TUBB: variants seen among roughly 807,000 people sequenced by gnomAD.
TUBB encodes tubulin beta class I.
Under a neutral mutation model 35.1 loss-of-function variants are expected in TUBB, and 2 were observed. The observed-to-expected ratio is 0.06, with a 90% CI of 0.02 to 0.18. The LOEUF (loss-of-function observed/expected upper bound fraction) is 0.18. TUBB is among the 10% of genes least tolerant of loss of function. TUBB has a pLI of 1.00. For missense variants in TUBB, 50 were observed against 599.4 expected, an observed-to-expected ratio of 0.08 and a Z score of 9.57; for synonymous variants, 205 against 223.8, an observed-to-expected ratio of 0.92 and a Z score of 0.75.
chr6:30,720,363 T>G lies in TUBB; in HGVS notation c.-144T>G. The G allele has an allele frequency of 1.3e-6, 1 of 765,468 alleles. No individual in the cohort carries two copies. The highest frequency in any genetic ancestry group is 2.3e-6 in the Non-Finnish European group (1 of 437,978). The allele number at this position is 765,468 out of a possible 1,614,324, so 47.4% of individuals were successfully genotyped here. ...CCTCTCCTTTCTCCCTCTCAGAACC[T>G]TCCTGCCGTCGCGTTTGCACCTCGC... On this transcript the variant is annotated 5_prime_UTR_variant, in exon 1 of 4. Coordinates refer to ENST00000327892, the MANE Select transcript of TUBB (RefSeq NM_178014.4).
rs11546741 is a variant in TUBB at position 30,723,923 on chromosome 6, G to A, written c.861G>A (p.Pro287=). Residue 287 remains proline, a synonymous_variant, in exon 4 of 4, where the codon CCG becomes CCA. Coordinates refer to ENST00000327892, the MANE Select transcript of TUBB (RefSeq NM_178014.4). The stretch of plus-strand genomic sequence containing the variant: ...AGCAGTATCGAGCTCTCACAGTGCC[G>A]GAACTCACCCAGCAGGTCTTCGATG... The part of the protein sequence containing the change: ...GSQQYRALTV[P]ELTQQVFDAK... The A allele has an allele frequency of 8.7e-6, 14 of 1,614,044 alleles. No individual in the cohort carries two copies. The highest frequency in any genetic ancestry group is 1.3e-5 in the African/African-American group (1 of 74,900).
chr6:30,721,636 T>G (rs1562153071), intron 1 of TUBB: 1 of 985,218 alleles, frequency 1.0e-6, no homozygotes, highest in African/African-American at 1.7e-5. Context: ...AGCTCTTTCC[T>G]CAGACCCCCA....
chr6:30,722,303 C>T (rs927961519), intron 1 of TUBB: 11 of 501,708 alleles, frequency 2.2e-5, no homozygotes, highest in Non-Finnish European at 2.9e-5. Flanking sequence ...AGTAGCTGGG[C>T]GTGTTGGTGC....
chr6:30,724,488 C>T lies in TUBB; in HGVS notation c.*91C>T. ...TCTCCCTCAGAATTTGTGTTTGCTG[C>T]CTCTATCTTGTTTTTTGTTTTTTCT... On this transcript the variant is annotated 3_prime_UTR_variant, in exon 4 of 4. Transcript: ENST00000327892. This position sits in a 1 kb window ranked among gnomAD's most constrained non-coding sequence, Gnocchi z 4.4. The T allele has an allele frequency of 5.6e-6, 7 of 1,242,306 alleles. No individual in the cohort carries two copies. Among genetic ancestry groups the T allele is most frequent in the East Asian group, 2.5e-5 (1 of 39,450 alleles). 77.0% of individuals were successfully genotyped at this position (1,242,306 alleles called of 1,614,324 possible). A position where few individuals can be genotyped will look rare whatever the true frequency, so the allele number is the denominator to read the frequency against.
In TUBB at chr6:30,724,316, C is replaced by T. The variant is rs143403410; in HGVS notation, c.1254C>T (p.Leu418=). The change falls in exon 4 of 4, where the codon CTC becomes CTT. Residue 418 remains leucine (L), a synonymous_variant. Transcript: ENST00000327892. The surrounding 1 kb of genome is among the most constrained non-coding windows in gnomAD (Gnocchi z 4.4). ...FTEAESNMND[L]VSEYQQYQDA... Reference sequence around the variant, plus strand: ...AGGCTGAGAGCAACATGAACGACCTCGTCTCTGAGTATCAGCAGTACCAGG... The same window carrying T: ...AGGCTGAGAGCAACATGAACGACCTTGTCTCTGAGTATCAGCAGTACCAGG... 40 of 1,613,004 alleles carry T rather than the reference C, an allele frequency of 2.5e-5. No individual in the cohort carries two copies. The highest frequency in any genetic ancestry group is 1.9e-4 in the Middle Eastern group (1 of 5,356).
chr6:30,721,601 G>T (rs924792932), intron 1 of TUBB: 1 of 974,076 alleles, frequency 1.0e-6, no homozygotes, highest in Non-Finnish European at 1.2e-6. Flanking sequence ...CGTGGAGGGC[G>T]GGGGGGGTGG....
At position 30,725,321 on chromosome 6, in the gene TUBB, C is replaced by T. The variant is rs1291765914; in HGVS notation, c.*924C>T. On this transcript the variant is annotated 3_prime_UTR_variant, in exon 4 of 4. Coordinates refer to ENST00000327892, the MANE Select transcript of TUBB (RefSeq NM_178014.4). ...CCTCACACACTTGGTTTTGTTCTAT[C>T]CTACATTTGAGATTTCTATTTTATG... The T allele has an allele frequency of 6.5e-6, 1 of 154,750 alleles. No individual in the cohort carries two copies. Among genetic ancestry groups the T allele is most frequent in the Non-Finnish European group, 1.4e-5 (1 of 70,044 alleles). 9.6% of individuals were successfully genotyped at this position (154,750 alleles called of 1,614,324 possible). A position where few individuals can be genotyped will look rare whatever the true frequency, so the allele number is the denominator to read the frequency against.
Position 30,720,581 on chromosome 6 carries a change from C to G in TUBB, c.57+18C>G. On this transcript the variant is annotated intron_variant, in intron 1 of 3. Coordinates refer to ENST00000327892, the MANE Select transcript of TUBB (RefSeq NM_178014.4). ...GTGCCAAGGTAAGAATTTTACACCT[C>G]TTTTATTTCTTTTTACAAGGAAAAA... 1 of 1,601,104 alleles carries G rather than the reference C, an allele frequency of 6.2e-7. No individual in the cohort carries two copies. The highest frequency in any genetic ancestry group is 8.5e-7 in the Non-Finnish European group (1 of 1,174,054).
chr6:30,722,881 T>C (rs1420004223), intron 2 of TUBB, 37 bp from the exon 3 acceptor site: 1 of 1,547,134 alleles, frequency 6.5e-7, no homozygotes, highest in Non-Finnish European at 8.9e-7. Flanking sequence ...CCTTCCCTTC[T>C]GCCAGATTTC....
Position 30,721,844 on chromosome 6 carries a change from C to A in TUBB, c.58-693C>A. ...GTGGCAGGCCCACGGGATGCCATGC[C>A]CTAGAACAACGGCCTGAGCGCTTGT... is the stretch of plus-strand genomic sequence containing the variant. On this transcript the variant is annotated intron_variant, in intron 1 of 3. Transcript: ENST00000327892. The A allele has an allele frequency of 2.0e-5, 20 of 985,472 alleles. 1 individual carries two copies. In the South Asian group the frequency reaches 7.9e-4, roughly 39 times the overall value. 61.0% of individuals were successfully genotyped at this position (985,472 alleles called of 1,614,324 possible).
intron 1 of TUBB, 119 bp from the exon 2 acceptor site, chr6:30,722,418 G>A: frequency 1.4e-6 from 1 of 717,110 alleles, no homozygotes; most frequent in East Asian, 2.7e-5. Context: ...ACTCCAGCCT[G>A]GTGACAGAGC....
At position 30,722,946 on chromosome 6, in the gene TUBB, G is replaced by T; in HGVS notation, c.195G>T (p.Leu65=). 1 of 1,612,692 alleles carries T rather than the reference G, an allele frequency of 6.2e-7. No homozygotes were observed. Among genetic ancestry groups the T allele is most frequent in the South Asian group, 1.1e-5 (1 of 91,068 alleles). Residue 65 remains leucine, a synonymous_variant, in exon 3 of 4, where the codon CTG becomes CTT. Coordinates refer to ENST00000327892, the MANE Select transcript of TUBB (RefSeq NM_178014.4). ...GCAAATATGTTCCTCGTGCCATCCTGGTGGATCTAGAACCTGGGACCATGG... is the reference window on the plus strand; with the variant it reads ...GCAAATATGTTCCTCGTGCCATCCTTGTGGATCTAGAACCTGGGACCATGG... ...TGGKYVPRAI[L]VDLEPGTMDS... is the part of the protein sequence containing the mutation.
chr6:30,722,455 A>G, intron 1 of TUBB, 82 bp from the exon 2 acceptor site: 1 of 1,019,410 alleles, frequency 9.8e-7, no homozygotes, highest in Non-Finnish European at 1.5e-6. Flanking sequence ...AAAAATTAAG[A>G]AAAAGATGAA....
At chr6:30,723,304 CCT>C in intron 3 of TUBB, 34 bp from the exon 4 acceptor site, 2 of 1,494,500 alleles carry the variant, frequency 1.3e-6, no homozygotes, top group Non-Finnish European at 1.8e-6. Context: ...TCTTCCATAC[CCT>C]GTTAATTGAG....
Position 30,720,479 on chromosome 6 carries a change from A to C in TUBB, c.-28A>C. On this transcript the variant is annotated 5_prime_UTR_variant, in exon 1 of 4. Transcript: ENST00000327892. ...ATTTTCTTGCCCCATACATACCTTG[A>C]GGCGAGCAAAAAAATTAAATTTTAA... The C allele has an allele frequency of 6.2e-7, 1 of 1,613,444 alleles. No individual in the cohort carries two copies.
chr6:30,721,634 C>T lies in TUBB; in HGVS notation c.58-903C>T, dbSNP rs897649487. The T allele has an allele frequency of 9.2e-5, 91 of 985,302 alleles. 1 individual carries two copies. In the African/African-American group the frequency reaches 1.3e-3, roughly 14 times the overall value. The allele number at this position is 985,302 out of a possible 1,614,324, so 61.0% of individuals were successfully genotyped here. On this transcript the variant is annotated intron_variant, in intron 1 of 3. Coordinates refer to ENST00000327892, the MANE Select transcript of TUBB (RefSeq NM_178014.4). ...TGGTCGACTGCGGCGGCAGCTCTTT[C>T]CTCAGACCCCCAGCCTTTTGTGCGC...
At chr6:30,722,724 C>A in intron 2 of TUBB, 79 bp downstream of exon 2, 1 of 1,317,266 alleles carries the variant, frequency 7.6e-7, no homozygotes. Context: ...TTTCTGGGCA[C>A]GCCTTATCCC....
At chr6:30,721,889 T>A in intron 1 of TUBB, 1 of 985,210 alleles carries the variant, frequency 1.0e-6, no homozygotes, top group Non-Finnish European at 1.2e-6. Flanking sequence ...ATGGGAGATG[T>A]GGGGCCGAGG....
At chr6:30,722,365 C>T (rs1449906378) in intron 1 of TUBB, 172 bp from the exon 2 acceptor site, 3 of 592,068 alleles carry the variant, frequency 5.1e-6, no homozygotes, top group Non-Finnish European at 9.2e-6. Flanking sequence ...ATCGCTTGAA[C>T]CCGGGAAGCA....
Sources: gnomAD v4.1 joint callset for allele counts on GRCh38, gnomAD v4.1.1 for gene constraint, Gnocchi (gnomAD v3.1) non-coding constraint, MANE v1.5 for transcripts, NCBI Gene and HGNC (gene_info 2026-07-23, HGNC 2026-07-21) for gene names.